NR2F1-AS1: variants seen among roughly 807,000 people sequenced by gnomAD.
The protein encoded by NR2F1-AS1 is NR2F1 regulatory antisense RNA 1.
chr5:93,441,923 T>G (rs1046071295), intron 4 of NR2F1-AS1, among the ~76,000 whole-genome samples: 6 of 152,332 alleles, frequency 3.9e-5, no homozygotes, highest in African/African-American at 1.4e-4. Flanking sequence ...TAAAGTTTCA[T>G]TGGAATACAG....
intron 4 of NR2F1-AS1, among the ~76,000 whole-genome samples, chr5:93,456,421 A>G (rs1749947622): frequency 6.6e-6 from 1 of 152,160 alleles, no homozygotes; most frequent in Admixed American, 6.6e-5. Flanking sequence ...AAACTATAAA[A>G]TGTTGCTGAC....
intron 4 of NR2F1-AS1, among the ~76,000 whole-genome samples, chr5:93,514,183 T>TC (rs1212649638): frequency 1.3e-5 from 2 of 152,116 alleles, no homozygotes; most frequent in Admixed American, 6.6e-5. Flanking sequence ...ACACTTGTTT[T>TC]AAGTCCAAGA....
intron 4 of NR2F1-AS1, among the ~76,000 whole-genome samples, chr5:93,465,800 C>T (rs982797115): frequency 1.3e-5 from 2 of 152,080 alleles, no homozygotes; most frequent in African/African-American, 4.8e-5. Flanking sequence ...TGGAAACCAT[C>T]ATTCCCAGCA....
At chr5:93,474,976 T>C (rs185259554) in intron 4 of NR2F1-AS1, among the ~76,000 whole-genome samples, 1 of 152,046 alleles carries the variant, frequency 6.6e-6, no homozygotes, top group East Asian at 1.9e-4. Context: ...ATACAAAAAT[T>C]AGCCAGGCAT....
chr5:93,467,427 G>T (rs931089687), intron 4 of NR2F1-AS1, among the ~76,000 whole-genome samples: 2 of 151,882 alleles, frequency 1.3e-5, no homozygotes, highest in East Asian at 1.9e-4. Flanking sequence ...CTTTTCTAAG[G>T]CCCTCATACT....
intron 4 of NR2F1-AS1, among the ~76,000 whole-genome samples, chr5:93,491,160 T>C (rs974027556): frequency 4.0e-5 from 6 of 151,066 alleles, no homozygotes; most frequent in African/African-American, 1.2e-4. Context: ...TTTATGGTGG[T>C]TGTGGTTATG....
chr5:93,522,370 A>G (rs1468382130), intron 4 of NR2F1-AS1, among the ~76,000 whole-genome samples: 1 of 152,254 alleles, frequency 6.6e-6, no homozygotes, highest in Non-Finnish European at 1.5e-5. Flanking sequence ...ACTTTAAAAA[A>G]AGAGTCAATA....
At chr5:93,585,131 C>G, upstream of NR2F1-AS1, 4 of 1,026,922 alleles carry the variant, frequency 3.9e-6, no homozygotes, top group Non-Finnish European at 4.7e-6. Flanking sequence ...GCGGCGGCGG[C>G]GCCGGCGAGC....
chr5:93,560,869 G>T (rs543687465), intron 2 of NR2F1-AS1, among the ~76,000 whole-genome samples: 1 of 152,272 alleles, frequency 6.6e-6, no homozygotes, highest in East Asian at 1.9e-4. Context: ...ACTGAAATTT[G>T]CTCCTATATC....
At chr5:93,432,159 G>A (rs1300803507) in intron 4 of NR2F1-AS1, among the ~76,000 whole-genome samples, 1 of 152,030 alleles carries the variant, frequency 6.6e-6, no homozygotes, top group Non-Finnish European at 1.5e-5. Flanking sequence ...GCAGAACTGT[G>A]GTTCAGTGTT....
intron 4 of NR2F1-AS1, among the ~76,000 whole-genome samples, chr5:93,508,147 C>T (rs759954899): frequency 2.6e-5 from 4 of 152,056 alleles, no homozygotes; most frequent in Non-Finnish European, 4.4e-5. Flanking sequence ...AAAGAAAAGA[C>T]TGAAAATAAG....
chr5:93,485,015 G>A (rs1479019876), intron 4 of NR2F1-AS1, among the ~76,000 whole-genome samples: 2 of 152,086 alleles, frequency 1.3e-5, no homozygotes, highest in East Asian at 3.9e-4. Flanking sequence ...AATAATACTG[G>A]GAGACTTTAA....
chr5:93,546,081 A>T (rs1290417707), intron 4 of NR2F1-AS1, among the ~76,000 whole-genome samples: 1 of 152,186 alleles, frequency 6.6e-6, no homozygotes, highest in Non-Finnish European at 1.5e-5. Context: ...TGGGCAAGTT[A>T]ATTAACCTCT....
intron 4 of NR2F1-AS1, among the ~76,000 whole-genome samples, chr5:93,539,918 CAGAA>C (rs1751915694): frequency 6.6e-6 from 1 of 151,964 alleles, no homozygotes; most frequent in Non-Finnish European, 1.5e-5. Flanking sequence ...AAATAAGAGA[CAGAA>C]AGGAATAAAA....
At position 93,556,229 on chromosome 5, in the gene NR2F1-AS1, A is replaced by T. The variant is rs985603707; in HGVS notation, n.414-1234T>A. Among the ~76,000 whole-genome samples the T allele has an allele frequency of 2.0e-5, 3 of 152,164 alleles. No individual in the cohort carries two copies. In the South Asian group the frequency reaches 6.2e-4, roughly 32 times the overall value. On this transcript the variant is annotated intron_variant and non_coding_transcript_variant, in intron 2 of 5. Coordinates refer to ENST00000660523, the Ensembl canonical transcript of NR2F1-AS1. ...CATTACCTGCTCCATACATTTTTAC[A>T]TCCAATCATATTTAATTTATTGAAA...
At chr5:93,414,725 C>T (rs1484343949) in intron 4 of NR2F1-AS1, among the ~76,000 whole-genome samples, 2 of 152,088 alleles carry the variant, frequency 1.3e-5, no homozygotes, top group Non-Finnish European at 2.9e-5. Flanking sequence ...CTGTTACTTG[C>T]CTTGAGTTGG....
intron 4 of NR2F1-AS1, among the ~76,000 whole-genome samples, chr5:93,490,284 C>T (rs1157465266): frequency 6.6e-6 from 1 of 152,208 alleles, no homozygotes; most frequent in Non-Finnish European, 1.5e-5. Flanking sequence ...TAGACAGACT[C>T]ATAGTTTTCA....
chr5:93,409,417 C>A (rs981054563), intron 4 of NR2F1-AS1: 1 of 152,156 alleles, frequency 6.6e-6, no homozygotes, highest in Non-Finnish European at 1.5e-5. Context: ...AGCTACCAAC[C>A]CCTAAGTAGC....
chr5:93,462,348 G>C (rs560008229), intron 4 of NR2F1-AS1, among the ~76,000 whole-genome samples: 121 of 152,170 alleles, frequency 8.0e-4, no homozygotes, highest in Non-Finnish European at 1.6e-3. Context: ...CACCATGTGA[G>C]ATGTGCCTTT....
Sources: allele counts gnomAD v4.1 joint callset (sites outside exome capture counted in the v4.1 genomes callset), GRCh38; gene constraint gnomAD v4.1.1; transcripts MANE v1.5; gene names NCBI Gene and HGNC (gene_info 2026-07-23, HGNC 2026-07-21).